The following NCOA1 variants were observed in gnomAD, a reference collection of about 807,000 sequenced individuals.
NCOA1 encodes the protein nuclear receptor coactivator 1.
A neutral mutation model predicts 150.9 loss-of-function variants in NCOA1; 35 were observed. The observed-to-expected ratio is 0.23, with a 90% confidence interval of 0.18 to 0.31. NCOA1 has a LOEUF of 0.31. NCOA1 is among the 10% of genes least tolerant of loss of function. The probability of loss-of-function intolerance (pLI) is 1.00; values close to 1 mark genes in which losing one functional copy is unlikely to be tolerated. For missense variants in NCOA1, 1,491 were observed against 1,749.3 expected, an observed-to-expected ratio of 0.85 and a Z score of 2.63; for synonymous variants, 590 against 630.0, an observed-to-expected ratio of 0.94 and a Z score of 0.95.
At chr2:24,637,493 A>G (rs574784551) in intron 3 of NCOA1, among the ~76,000 whole-genome samples, 69 of 151,878 alleles carry the variant, frequency 4.5e-4, no homozygotes, top group Middle Eastern at 6.8e-3. Context: ...CATATACACC[A>G]TGGAATACTA....
intron 3 of NCOA1, among the ~76,000 whole-genome samples, chr2:24,637,600 C>T: frequency 6.6e-6 from 1 of 152,068 alleles, no homozygotes; most frequent in Non-Finnish European, 1.5e-5. Flanking sequence ...AACAAAAAAC[C>T]AAACATTTAT....
rs531981543 is a variant in NCOA1 at position 24,576,766 on chromosome 2, G to A, written c.-259-7710G>A. Among the ~76,000 whole-genome samples, 3 of 152,274 alleles carry A rather than the reference G, an allele frequency of 2.0e-5. No homozygotes were observed. In the South Asian group the frequency reaches 6.2e-4, roughly 32 times the overall value. On this transcript the variant is annotated intron_variant, in intron 2 of 22. Transcript: ENST00000348332. Reference sequence around the variant, plus strand: ...GGTGTTTGGCTTGTCAGTAACTGAGGCAGAAGAGTCCCTAGTTGTCTGTGG... The same window carrying A: ...GGTGTTTGGCTTGTCAGTAACTGAGACAGAAGAGTCCCTAGTTGTCTGTGG...
rs769281822 is a variant in NCOA1, at chr2:24,711,094, C to A, written c.2582C>A (p.Pro861His). 1 of 1,613,684 alleles carries A rather than the reference C, an allele frequency of 6.2e-7. No individual in the cohort carries two copies. Among genetic ancestry groups the A allele is most frequent in the South Asian group, 1.1e-5 (1 of 91,022 alleles). The change falls in exon 14 of 23, where the codon CCC becomes CAC. Residue 861 changes from proline (P) to histidine (H), a missense_variant. Around this residue, in one of 8 missense-constraint regions of NCOA1, gnomAD observed 703 missense variants for 717.7 expected, o/e 0.98. Coordinates refer to ENST00000348332, the MANE Select transcript of NCOA1 (RefSeq NM_003743.5). ...PASLQSATAR[P>H]TSRLNRLPEL... ...TCACTTCAGTCCGCCACTGCCAGAC[C>A]CACTTCCAGGCTAAATAGTATGTTC...
At chr2:24,669,906 G>A (rs1671606290) in intron 6 of NCOA1, among the ~76,000 whole-genome samples, 1 of 152,206 alleles carries the variant, frequency 6.6e-6, no homozygotes, top group Non-Finnish European at 1.5e-5. Flanking sequence ...GGGAGGCCAA[G>A]GTGAGAAGAT....
intron 2 of NCOA1, among the ~76,000 whole-genome samples, chr2:24,568,793 G>A (rs1179961738): frequency 1.3e-5 from 2 of 152,172 alleles, no homozygotes; most frequent in African/African-American, 4.8e-5. Context: ...ATCTGGAAAA[G>A]CAATTACTGT....
At position 24,768,214 on chromosome 2, in the gene NCOA1, G is replaced by A; in HGVS notation, c.4156-7G>A. The A allele has an allele frequency of 1.2e-6, 2 of 1,611,298 alleles. No homozygotes were observed. Among genetic ancestry groups the A allele is most frequent in the Non-Finnish European group, 1.7e-6 (2 of 1,177,780 alleles). On this transcript the variant is annotated splice_polypyrimidine_tract_variant and splice_region_variant and intron_variant, in intron 22 of 22. Coordinates refer to ENST00000348332, the MANE Select transcript of NCOA1 (RefSeq NM_003743.5). The stretch of plus-strand genomic sequence containing the variant: ...CTGTCTAAACACATCTTTTATTTGT[G>A]TTCCAGCAGGTGCAACAGGTTCAGG...
chr2:24,673,614 A>C, intron 7 of NCOA1, 151 bp downstream of exon 7: 1 of 502,130 alleles, frequency 2.0e-6, no homozygotes, highest in Non-Finnish European at 3.4e-6. Context: ...ACTATTTGAC[A>C]GTTGTTACTG....
intron 8 of NCOA1, among the ~76,000 whole-genome samples, chr2:24,690,526 C>T (rs903061247): frequency 6.6e-6 from 1 of 151,654 alleles, no homozygotes; most frequent in Non-Finnish European, 1.5e-5. Flanking sequence ...GTGGCACACA[C>T]CTATAATCCC....
intron 19 of NCOA1, among the ~76,000 whole-genome samples, chr2:24,750,401 C>T (rs1224910557): frequency 6.6e-6 from 1 of 152,146 alleles, no homozygotes; most frequent in Non-Finnish European, 1.5e-5. Context: ...ATAGAGATCA[C>T]TGGAACAGAA....
rs1662883944 is a variant in NCOA1 at position 24,729,577 on chromosome 2, C to T, written c.2963C>T (p.Pro988Leu). The change falls in exon 17 of 23, where the codon CCC becomes CTC. Residue 988 changes from proline (P) to leucine (L), a missense_variant. Pro to Leu is a moderately conservative substitution (Grantham distance 98, BLOSUM62 -3). This residue lies in a region of NCOA1 where 485 missense variants were observed against 522.8 expected (regional missense o/e 0.93). Transcript: ENST00000348332. ...CCACCTTTGATCATGGAAGAAAGAC[C>T]CAACCTTTATTCCCAGCCTTACTCT... is the stretch of plus-strand genomic sequence containing the variant. ...ATPPLIMEERPNLYSQPYSSP... is the reference protein window; with the variant it reads ...ATPPLIMEERLNLYSQPYSSP... The T allele has an allele frequency of 1.2e-6, 2 of 1,613,906 alleles. No individual in the cohort carries two copies. The highest frequency in any genetic ancestry group is 1.3e-5 in the African/African-American group (1 of 74,896).
chr2:24,601,612 CTT>C (rs112063269), intron 3 of NCOA1, among the ~76,000 whole-genome samples: 14 of 131,946 alleles, frequency 1.1e-4, no homozygotes, highest in South Asian at 2.5e-4. Flanking sequence ...CTCCTTCCTC[CTT>C]TTTTTTTTTT....
At chr2:24,581,983 A>G (rs976164168) in intron 2 of NCOA1, among the ~76,000 whole-genome samples, 1 of 152,208 alleles carries the variant, frequency 6.6e-6, no homozygotes, top group African/African-American at 2.4e-5. Flanking sequence ...ATATATGACA[A>G]ACCCACAGCT....
chr2:24,575,824 G>A (rs1241767880), intron 2 of NCOA1, among the ~76,000 whole-genome samples: 1 of 152,008 alleles, frequency 6.6e-6, no homozygotes, highest in Non-Finnish European at 1.5e-5. Context: ...CCGCCCACCT[G>A]GGCCTCCCAA....
At chr2:24,556,666 A>T (rs2148240135) in intron 1 of NCOA1, among the ~76,000 whole-genome samples, 1 of 152,290 alleles carries the variant, frequency 6.6e-6, no homozygotes, top group East Asian at 1.9e-4. Context: ...TGCAAATCAA[A>T]ATCACAGTGA....
chr2:24,727,309 A>G (rs970484384), intron 15 of NCOA1, among the ~76,000 whole-genome samples: 29 of 152,226 alleles, frequency 1.9e-4, no homozygotes, highest in African/African-American at 7.0e-4. Context: ...ATTGATTACC[A>G]TAATGTATCT....
chr2:24,759,539 A>G (rs958499988), intron 21 of NCOA1, among the ~76,000 whole-genome samples: 1 of 152,242 alleles, frequency 6.6e-6, no homozygotes, highest in Non-Finnish European at 1.5e-5. Context: ...AATAAATTCA[A>G]AACAATATTT....
At chr2:24,622,249 A>C (rs1476011792) in intron 3 of NCOA1, among the ~76,000 whole-genome samples, 1 of 152,086 alleles carries the variant, frequency 6.6e-6, no homozygotes, top group African/African-American at 2.4e-5. Flanking sequence ...CTCATATACC[A>C]CTGTTTCTCA....
At chr2:24,602,261 C>T (rs1340337536) in intron 3 of NCOA1, among the ~76,000 whole-genome samples, 1 of 152,114 alleles carries the variant, frequency 6.6e-6, no homozygotes, top group African/African-American at 2.4e-5. Flanking sequence ...AATGCAGTGG[C>T]GTAATCTCAG....
intron 17 of NCOA1, among the ~76,000 whole-genome samples, chr2:24,738,518 T>C (rs1225469515): frequency 6.6e-6 from 1 of 152,210 alleles, no homozygotes; most frequent in Non-Finnish European, 1.5e-5. Flanking sequence ...AATCCTGGTC[T>C]AGACTGATCT....
Sources: allele counts gnomAD v4.1 joint callset (sites outside exome capture counted in the v4.1 genomes callset), GRCh38; gene constraint gnomAD v4.1.1; regional missense constraint gnomAD v4.1.1; transcripts MANE v1.5; gene names NCBI Gene and HGNC (gene_info 2026-07-23, HGNC 2026-07-21).